The following SLC17A1 variants were observed in gnomAD, a reference collection of about 807,000 sequenced individuals.
The protein encoded by SLC17A1 is solute carrier family 17 member 1, also known as sodium-dependent phosphate transport protein 1.
SLC17A1 carries 51 observed loss-of-function variants against 53.5 expected under a neutral mutation model. The ratio of observed to expected loss-of-function variants is 0.95; its 90% confidence interval spans 0.76 to 1.20. The LOEUF (loss-of-function observed/expected upper bound fraction) is 1.20, where lower values mean the gene tolerates loss of function less well. Among genes scored for constraint, SLC17A1 ranks in the 50% most tolerant of loss-of-function variants. SLC17A1 has a pLI of 0.00. For synonymous variants in SLC17A1, 179 were observed against 198.8 expected (o/e 0.90, Z 0.84); for missense variants, 538 against 568.2 (o/e 0.95, Z 0.54).
chr6:25,731,679 A>G, the SLC17A1 span: 1 of 762,200 alleles, frequency 1.3e-6, no homozygotes, highest in Non-Finnish European at 2.0e-6. Context: ...GCAACGAGGC[A>G]TACTCTATAA....
At chr6:25,726,112 T>G in the SLC17A1 span, 1 of 1,505,908 alleles carries the variant, frequency 6.6e-7, no homozygotes, top group South Asian at 1.4e-5. Context: ...AGAAGTCTTT[T>G]TACCAATGAC....
downstream of SLC17A1, among the ~76,000 whole-genome samples, chr6:25,778,320 AAAGAATG>A (rs1274349281): frequency 2.6e-5 from 4 of 151,714 alleles, no homozygotes; most frequent in African/African-American, 9.7e-5. Flanking sequence ...CAGGAAAGTT[AAAGAATG>A]ACTTTCCTGT....
At chr6:25,768,393 AG>A in the SLC17A1 span, 2 of 987,558 alleles carry the variant, frequency 2.0e-6, no homozygotes, top group Non-Finnish European at 2.4e-6. Context: ...ACTCAACCAC[AG>A]GGATATCCCC....
At chr6:25,797,987 T>C (rs1581455705) in intron 12 of SLC17A1, among the ~76,000 whole-genome samples, 1 of 152,238 alleles carries the variant, frequency 6.6e-6, no homozygotes, top group East Asian at 1.9e-4. Flanking sequence ...TCTGTACTTC[T>C]TCCAAAGCGG....
At chr6:25,732,482 C>G in the SLC17A1 span, 3 of 375,656 alleles carry the variant, frequency 8.0e-6, no homozygotes, top group South Asian at 7.0e-5. Context: ...AGGGTACGCG[C>G]TATTCATTCA....
At chr6:25,777,829 T>G in the SLC17A1 span, 1 of 973,416 alleles carries the variant, frequency 1.0e-6, no homozygotes, top group Non-Finnish European at 1.6e-6. Context: ...TATTAACCCT[T>G]TGTTTGCACA....
intron 12 of SLC17A1, among the ~76,000 whole-genome samples, chr6:25,791,898 C>A (rs114474290): frequency 6.6e-6 from 1 of 152,218 alleles, no homozygotes; most frequent in African/African-American, 2.4e-5. Context: ...CTACTACTTA[C>A]GTGGCTTCAT....
the SLC17A1 span, among the ~76,000 whole-genome samples, chr6:25,758,496 A>G: frequency 6.6e-6 from 1 of 152,098 alleles, no homozygotes; most frequent in Non-Finnish European, 1.5e-5. Flanking sequence ...GAGAGTTTCT[A>G]TTTCTTCCTG....
At chr6:25,776,547 G>T in the SLC17A1 span, 1 of 1,549,494 alleles carries the variant, frequency 6.5e-7, no homozygotes, top group South Asian at 1.3e-5. Context: ...CTGTGTCGTG[G>T]TGGGGGTGGT....
At chr6:25,750,851 C>A in the SLC17A1 span, among the ~76,000 whole-genome samples, 1 of 152,056 alleles carries the variant, frequency 6.6e-6, no homozygotes, top group Non-Finnish European at 1.5e-5. Flanking sequence ...GTATTCTGCC[C>A]AGTCTGCAAG....
chr6:25,795,585 T>G (rs1029154848), intron 12 of SLC17A1, among the ~76,000 whole-genome samples: 1 of 152,098 alleles, frequency 6.6e-6, no homozygotes, highest in Non-Finnish European at 1.5e-5. Context: ...TAACTGCAGT[T>G]GGATTGAAGT....
chr6:25,726,419 T>A, the SLC17A1 span: 2 of 1,614,018 alleles, frequency 1.2e-6, no homozygotes, highest in Non-Finnish European at 1.7e-6. Context: ...TAGTTTCCCT[T>A]ACGAAGCAGA....
At chr6:25,796,489 C>T (rs1006369662) in intron 12 of SLC17A1, among the ~76,000 whole-genome samples, 7 of 151,782 alleles carry the variant, frequency 4.6e-5, no homozygotes, top group African/African-American at 1.7e-4. Context: ...GCCTATAGTC[C>T]CAGCTACCCA....
chr6:25,724,380 G>C, the SLC17A1 span, among the ~76,000 whole-genome samples: 1 of 152,204 alleles, frequency 6.6e-6, no homozygotes, highest in Non-Finnish European at 1.5e-5. Flanking sequence ...CCGAGATCAC[G>C]CCACTGCACT....
the SLC17A1 span, chr6:25,732,492 A>G: frequency 1.5e-5 from 6 of 388,542 alleles, no homozygotes; most frequent in East Asian, 1.8e-4. Flanking sequence ...CTATTCATTC[A>G]GAGAGGTTCT....
At chr6:25,776,612 C>T in the SLC17A1 span, 3 of 1,608,914 alleles carry the variant, frequency 1.9e-6, no homozygotes, top group Non-Finnish European at 2.5e-6. Context: ...TCCTGTCTGC[C>T]TTGCCGTTTG....
chr6:25,798,925 G>A lies in SLC17A1; in HGVS notation c.1270-6C>T, dbSNP rs376926538. 18 of 1,544,464 alleles carry A rather than the reference G, an allele frequency of 1.2e-5. No homozygotes were observed. In the African/African-American group the frequency reaches 2.3e-4, roughly 20 times the overall value. ...AACCAGGCGGATTCCGGATCCTAAGGAATTAAAATTCAAAGTAATTGTAAA... is the reference window on the plus strand; with the variant it reads ...AACCAGGCGGATTCCGGATCCTAAGAAATTAAAATTCAAAGTAATTGTAAA... On this transcript the variant is annotated splice_region_variant and splice_polypyrimidine_tract_variant and intron_variant, in intron 11 of 12. Coordinates refer to ENST00000244527, the MANE Select transcript of SLC17A1 (RefSeq NM_005074.5).
the SLC17A1 span, chr6:25,770,570 C>T: frequency 9.3e-7 from 1 of 1,074,242 alleles, no homozygotes; most frequent in Non-Finnish European, 1.4e-6. Context: ...ATCTCTGTGT[C>T]TTCATAGTCC....
At chr6:25,826,664 T>C (rs770919950) in intron 2 of SLC17A1, 31 bp from the exon 3 acceptor site, 2 of 1,500,474 alleles carry the variant, frequency 1.3e-6, no homozygotes, top group Non-Finnish European at 1.8e-6. Context: ...TCGCAATTGC[T>C]GACAGAGCTG....
Sources: gnomAD v4.1 joint callset for allele counts (sites outside exome capture counted in the v4.1 genomes callset) on GRCh38, gnomAD v4.1.1 for gene constraint, MANE v1.5 for transcripts, NCBI Gene and HGNC (gene_info 2026-07-23, HGNC 2026-07-21) for gene names.